The following HPSE2 variants were observed in gnomAD, a reference collection of about 807,000 sequenced individuals.
HPSE2 encodes inactive heparanase-2.
In HPSE2, 38 loss-of-function variants were observed where a neutral mutation model predicts 60.5. The observed-to-expected ratio is 0.63, with a 90% CI of 0.48 to 0.82. HPSE2 has a LOEUF of 0.82. HPSE2 is among the 40% of genes least tolerant of loss of function. The pLI, the probability that HPSE2 is intolerant of heterozygous loss-of-function variation, is 0.00. For synonymous variants in HPSE2, 295 were observed against 293.2 expected (o/e 1.01, Z -0.06); for missense variants, 713 against 740.4 (o/e 0.96, Z 0.43).
chr10:98,636,273 T>C (rs957631820), intron 7 of HPSE2, among the ~76,000 whole-genome samples: 14 of 151,586 alleles, frequency 9.2e-5, no homozygotes. Context: ...AGAGTCTCGC[T>C]CTGTTGCCCA....
the HPSE2 span, among the ~76,000 whole-genome samples, chr10:99,308,971 C>T: frequency 6.6e-6 from 1 of 152,110 alleles, no homozygotes. Context: ...GGCAGATTTG[C>T]TTCAGCCTCA....
chr10:98,706,592 G>T (rs1416715538), intron 5 of HPSE2, among the ~76,000 whole-genome samples: 2 of 152,102 alleles, frequency 1.3e-5, no homozygotes, highest in Non-Finnish European at 2.9e-5. Context: ...GGTGTCAGAA[G>T]GAATACAGAT....
At chr10:99,058,247 T>C (rs542055768) in intron 3 of HPSE2, among the ~76,000 whole-genome samples, 1 of 152,268 alleles carries the variant, frequency 6.6e-6, no homozygotes, top group Non-Finnish European at 1.5e-5. Flanking sequence ...ATTCTCAGAG[T>C]GCCAGTAGAG....
At chr10:98,538,334 C>G (rs987632049) in intron 9 of HPSE2, among the ~76,000 whole-genome samples, 2 of 152,182 alleles carry the variant, frequency 1.3e-5, no homozygotes, top group African/African-American at 4.8e-5. Context: ...TAATAGTCTC[C>G]TTTTCTGTTG....
chr10:99,032,200 G>A (rs376787812), intron 3 of HPSE2, among the ~76,000 whole-genome samples: 2 of 152,134 alleles, frequency 1.3e-5, no homozygotes, highest in East Asian at 1.9e-4. Context: ...TCTAGATTCA[G>A]CAGACACACA....
intron 2 of HPSE2, among the ~76,000 whole-genome samples, chr10:99,169,234 G>A (rs1179331770): frequency 3.4e-5 from 5 of 145,348 alleles, no homozygotes; most frequent in Non-Finnish European, 6.0e-5. Context: ...GGCTGGGCAC[G>A]GTGGCTCACG....
intron 2 of HPSE2, among the ~76,000 whole-genome samples, chr10:99,171,587 A>G (rs760057813): frequency 3.9e-5 from 6 of 152,210 alleles, no homozygotes; most frequent in African/African-American, 1.4e-4. Context: ...AATTGACTAC[A>G]CCAAAGCAGC....
At chr10:99,235,962 TCTCTCTCG>T (rs1156676999), upstream of HPSE2, 275 of 520,746 alleles carry the variant, frequency 5.3e-4, 4 homozygotes, top group East Asian at 8.4e-3. Flanking sequence ...CCGCTCTCTC[TCTCTCTCG>T]CTCGCTCGCT....
intron 3 of HPSE2, among the ~76,000 whole-genome samples, chr10:98,971,546 T>C (rs1173495965): frequency 6.6e-6 from 1 of 152,230 alleles, no homozygotes; most frequent in Non-Finnish European, 1.5e-5. Context: ...TTTTAATTCA[T>C]GTAAATGTTA....
rs1942954818 is a variant in HPSE2, at chr10:98,525,991, T to G, written c.1321-35795A>C. On this transcript the variant is annotated intron_variant, in intron 9 of 11. Coordinates refer to ENST00000370552, the MANE Select transcript of HPSE2 (RefSeq NM_021828.5). The stretch of plus-strand genomic sequence containing the variant: ...AACAACAATCTGAGAATGCATTGTC[T>G]AAGATGTATTTCCCAACGTTACATA... 5.9e-5 allele frequency among the ~76,000 whole-genome samples: 9 copies of G among 152,314 alleles called. No homozygotes were observed. The South Asian group carries it at 1.9e-3, about 32-fold the overall frequency.
At chr10:98,582,806 A>G (rs1054404900) in intron 9 of HPSE2, among the ~76,000 whole-genome samples, 14 of 152,164 alleles carry the variant, frequency 9.2e-5, no homozygotes, top group African/African-American at 3.1e-4. Context: ...CCCAATTAGT[A>G]TGTCTACAGT....
chr10:99,204,092 G>A (rs996658137), intron 2 of HPSE2, among the ~76,000 whole-genome samples: 1 of 152,054 alleles, frequency 6.6e-6, no homozygotes, highest in Non-Finnish European at 1.5e-5. Flanking sequence ...GTCAGCCCCT[G>A]TACAATCCAG....
intron 3 of HPSE2, among the ~76,000 whole-genome samples, chr10:98,958,152 G>A (rs1213293844): frequency 1.3e-5 from 2 of 152,156 alleles, no homozygotes; most frequent in Non-Finnish European, 2.9e-5. Context: ...TATAAGGCTA[G>A]TGTCTCAGAG....
chr10:99,137,428 A>C (rs528869100), intron 3 of HPSE2, among the ~76,000 whole-genome samples: 1 of 152,376 alleles, frequency 6.6e-6, no homozygotes, highest in South Asian at 2.1e-4. Flanking sequence ...AAGAGCCCAC[A>C]GGGCTAAGAC....
intron 9 of HPSE2, among the ~76,000 whole-genome samples, chr10:98,597,396 G>A (rs1185589007): frequency 1.3e-5 from 2 of 152,016 alleles, no homozygotes; most frequent in African/African-American, 4.8e-5. Flanking sequence ...CATGTGCCAC[G>A]GCTCACACCT....
chr10:99,041,086 CAA>C (rs35757094), intron 3 of HPSE2, among the ~76,000 whole-genome samples: 116 of 122,326 alleles, frequency 9.5e-4, no homozygotes, highest in African/African-American at 3.4e-3. Flanking sequence ...GACTCCATCT[CAA>C]AAAAAAAAAA....
intron 2 of HPSE2, among the ~76,000 whole-genome samples, chr10:99,202,830 T>C (rs1483011564): frequency 1.3e-5 from 2 of 152,032 alleles, no homozygotes; most frequent in African/African-American, 4.8e-5. Flanking sequence ...CACCTAGGCA[T>C]AGCACAAAAA....
At chr10:98,470,551 A>G (rs1940736598) in intron 11 of HPSE2, among the ~76,000 whole-genome samples, 1 of 152,234 alleles carries the variant, frequency 6.6e-6, no homozygotes, top group Non-Finnish European at 1.5e-5. Flanking sequence ...TAGAACTTTC[A>G]GTTCCTTAAG....
At chr10:98,599,010 T>C (rs1945324635) in intron 9 of HPSE2, among the ~76,000 whole-genome samples, 1 of 151,916 alleles carries the variant, frequency 6.6e-6, no homozygotes, top group African/African-American at 2.4e-5. Context: ...TCATGGAACC[T>C]GGGTCCACAG....
Sources: allele counts gnomAD v4.1 joint callset (sites outside exome capture counted in the v4.1 genomes callset), GRCh38; gene constraint gnomAD v4.1.1; transcripts MANE v1.5; gene names NCBI Gene and HGNC (gene_info 2026-07-23, HGNC 2026-07-21).